The following KIF3B variants were observed in gnomAD, a reference collection of about 807,000 sequenced individuals.
KIF3B encodes the protein kinesin family member 3B, also known as kinesin-like protein KIF3B.
KIF3B carries 38 observed loss-of-function variants against 74.3 expected under a neutral mutation model. The observed-to-expected ratio is 0.51, with a 90% CI of 0.39 to 0.67. The LOEUF (loss-of-function observed/expected upper bound fraction) is 0.67, where lower values mean the gene tolerates loss of function less well. Ranked by LOEUF, KIF3B falls within the 30% of genes least tolerant of loss-of-function variation. The probability of loss-of-function intolerance (pLI) is 0.00; values close to 1 mark genes in which losing one functional copy is unlikely to be tolerated. For missense variants in KIF3B, 649 were observed against 932.0 expected, an observed-to-expected ratio of 0.70 and a Z score of 3.95; for synonymous variants, 326 against 342.5, an observed-to-expected ratio of 0.95 and a Z score of 0.53.
intron 2 of KIF3B, among the ~76,000 whole-genome samples, chr20:32,314,538 T>TA (rs770674327): frequency 0.017 from 2,376 of 139,094 alleles, 54 homozygotes; most frequent in African/African-American, 0.058. Context: ...AGACTCCATC[T>TA]AAAAAAAAAA....
At chr20:32,287,398 C>T (rs1233788065) in intron 1 of KIF3B, among the ~76,000 whole-genome samples, 5 of 152,012 alleles carry the variant, frequency 3.3e-5, no homozygotes, top group South Asian at 2.1e-4. Flanking sequence ...CATAGCTCAC[C>T]GTAACCTCCA....
intron 1 of KIF3B, among the ~76,000 whole-genome samples, chr20:32,292,220 G>T (rs2047695095): frequency 2.0e-5 from 3 of 152,094 alleles, no homozygotes; most frequent in Admixed American, 2.0e-4. Context: ...ATTATGGGTG[G>T]TGAACCACCT....
intron 1 of KIF3B, among the ~76,000 whole-genome samples, chr20:32,280,714 CAAAAAAAAAAAAAA>C (rs34366324): frequency 1.9e-5 from 1 of 51,346 alleles, no homozygotes; most frequent in Non-Finnish European, 3.4e-5. Context: ...GACTCCGTCT[CAAAAAAAAAAAAAA>C]AAAAAAAAAA....
chr20:32,284,011 G>T (rs529630697), intron 1 of KIF3B, among the ~76,000 whole-genome samples: 11 of 151,790 alleles, frequency 7.2e-5, no homozygotes, highest in African/African-American at 2.7e-4. Flanking sequence ...CAACTCCTGG[G>T]CTCAAGCGAT....
intron 5 of KIF3B, among the ~76,000 whole-genome samples, chr20:32,325,701 T>C (rs961030008): frequency 3.1e-4 from 42 of 133,376 alleles, no homozygotes; most frequent in Non-Finnish European, 5.8e-4. Context: ...AGAGTTTTGC[T>C]CTTTGGCCCA....
chr20:32,299,370 G>GT (rs2047730490), intron 1 of KIF3B, among the ~76,000 whole-genome samples: 1 of 80,186 alleles, frequency 1.2e-5, no homozygotes, highest in Non-Finnish European at 2.2e-5. Context: ...ACTACTGAAT[G>GT]GTGTGTGTGT....
intron 1 of KIF3B, among the ~76,000 whole-genome samples, chr20:32,305,621 C>T (rs2122684913): frequency 8.3e-6 from 1 of 120,368 alleles, no homozygotes; most frequent in Non-Finnish European, 1.6e-5. Flanking sequence ...CTTGCTCTGT[C>T]ACCCAGACTG....
chr20:32,307,606 C>T (rs2047778053), intron 1 of KIF3B, among the ~76,000 whole-genome samples: 1 of 151,998 alleles, frequency 6.6e-6, no homozygotes, highest in Non-Finnish European at 1.5e-5. Context: ...ATTGCTCTAC[C>T]CAGAGGTTGT....
At chr20:32,297,122 C>A (rs1399206477) in intron 1 of KIF3B, among the ~76,000 whole-genome samples, 1 of 151,400 alleles carries the variant, frequency 6.6e-6, no homozygotes, top group African/African-American at 2.4e-5. Context: ...TGTTGCAGTG[C>A]TTTTCTGATG....
intron 2 of KIF3B, among the ~76,000 whole-genome samples, chr20:32,313,937 G>C (rs959508710): frequency 6.6e-6 from 1 of 152,084 alleles, no homozygotes; most frequent in Non-Finnish European, 1.5e-5. Flanking sequence ...TGAACTCCTA[G>C]ACTCAAGCAA....
At chr20:32,299,370 G>GGTGTGT (rs201454349) in intron 1 of KIF3B, among the ~76,000 whole-genome samples, 4 of 80,200 alleles carry the variant, frequency 5.0e-5, no homozygotes, top group African/African-American at 1.7e-4. Flanking sequence ...ACTACTGAAT[G>GGTGTGT]GTGTGTGTGT....
chr20:32,303,423 G>A (rs6119811), intron 1 of KIF3B, among the ~76,000 whole-genome samples: 30,847 of 151,536 alleles, frequency 0.2, 3,464 homozygotes, highest in African/African-American at 0.3. Context: ...AAATTAGCTG[G>A]ACCTGGTGGC....
chr20:32,320,554 T>C (rs2047855343), intron 5 of KIF3B, among the ~76,000 whole-genome samples: 1 of 151,448 alleles, frequency 6.6e-6, no homozygotes. Flanking sequence ...GGCCTTCTTC[T>C]GTCAATCAGA....
At chr20:32,318,242 C>T (rs907496505) in intron 5 of KIF3B, among the ~76,000 whole-genome samples, 1 of 150,752 alleles carries the variant, frequency 6.6e-6, no homozygotes, top group Admixed American at 6.6e-5. Flanking sequence ...GCGGAGGTTG[C>T]AGTGAGCTGA....
intron 2 of KIF3B, among the ~76,000 whole-genome samples, chr20:32,314,479 G>A (rs1191277224): frequency 6.6e-6 from 1 of 151,906 alleles, no homozygotes; most frequent in Non-Finnish European, 1.5e-5. Context: ...GGCAGAGGTT[G>A]CAGTGAGCCA....
At chr20:32,327,523 AGCCAGG>A in intron 6 of KIF3B, 27 bp from the exon 7 acceptor site, 1 of 1,587,684 alleles carries the variant, frequency 6.3e-7, no homozygotes, top group Non-Finnish European at 8.6e-7. Context: ...ACAGGACTCC[AGCCAGG>A]GCTTTAACAC....
rs758112059 is a variant in KIF3B, at chr20:32,310,901, G to A, written c.1124G>A (p.Gly375Asp). The change falls in exon 2 of 9, where the codon GGT (glycine) becomes GAT (aspartate). Residue 375 changes from glycine (G) to aspartate (D), a missense_variant. Gly to Asp is a moderately conservative substitution (Grantham distance 94). Transcript: ENST00000375712. The surrounding 1 kb of genome is among the most constrained non-coding windows in gnomAD (Gnocchi z 6.5). Reference sequence around the variant, plus strand: ...GCCCAGCTGGAAAAACGGTCCATTGGTAGGAGGAAGAGGCGAGAGAAGCGG... The same window carrying A: ...GCCCAGCTGGAAAAACGGTCCATTGATAGGAGGAAGAGGCGAGAGAAGCGG... ...LKAQLEKRSI[G>D]RRKRREKRRE... 2 of 1,611,684 alleles carry A rather than the reference G, an allele frequency of 1.2e-6. No individual in the cohort carries two copies. Among genetic ancestry groups the A allele is most frequent in the Non-Finnish European group, 1.7e-6 (2 of 1,179,120 alleles).
rs1346465019 is a variant in KIF3B at position 32,316,541 on chromosome 20, A to G, written c.1521A>G (p.Arg507=). The G allele has an allele frequency of 6.2e-7, 1 of 1,613,990 alleles. No individual in the cohort carries two copies. The highest frequency in any genetic ancestry group is 1.3e-5 in the African/African-American group (1 of 74,948). Residue 507 remains arginine, a synonymous_variant, in exon 4 of 9, where the codon AGA becomes AGG. Coordinates refer to ENST00000375712, the MANE Select transcript of KIF3B (RefSeq NM_004798.4). ...QEIAEQKRRE[R]EIQQQMESRD... is the part of the protein sequence containing the mutation. ...ATGTTGCTCAGAAACGTCGAGAAAG[A>G]GAAATCCAGCAACAGATGGAAAGTC...
chr20:32,318,708 ATATT>A (rs1216170010), intron 5 of KIF3B, among the ~76,000 whole-genome samples: 1 of 152,166 alleles, frequency 6.6e-6, no homozygotes, highest in African/African-American at 2.4e-5. Context: ...AATAGGACAC[ATATT>A]TATTTATTTT....
Sources: gnomAD v4.1 joint callset for allele counts (sites outside exome capture counted in the v4.1 genomes callset) on GRCh38, gnomAD v4.1.1 for gene constraint, Gnocchi (gnomAD v3.1) non-coding constraint, MANE v1.5 for transcripts, NCBI Gene and HGNC (gene_info 2026-07-23, HGNC 2026-07-21) for gene names.